The following MIPOL1 variants were observed in gnomAD, a reference collection of about 807,000 sequenced individuals.
MIPOL1 encodes the protein mirror-image polydactyly 1.
A neutral mutation model predicts 60.9 loss-of-function variants in MIPOL1; 57 were observed. The observed-to-expected ratio is 0.94, with a 90% confidence interval of 0.76 to 1.17. The LOEUF (loss-of-function observed/expected upper bound fraction) is 1.17. Ranked by LOEUF, MIPOL1 falls within the 50% of genes most tolerant of loss-of-function variation. The pLI is 0.00. For missense variants in MIPOL1, 551 were observed against 511.6 expected, an observed-to-expected ratio of 1.08 and a Z score of -0.74; for synonymous variants, 179 against 168.8, an observed-to-expected ratio of 1.06 and a Z score of -0.47.
At chr14:37,270,556 G>T (rs1567224069) in intron 6 of MIPOL1, 31 bp downstream of exon 6, 1 of 1,177,180 alleles carries the variant, frequency 8.5e-7, no homozygotes, top group Non-Finnish European at 1.2e-6. Context: ...CACATGGCTT[G>T]AAGAATCACA....
At chr14:37,414,864 A>C (rs2093737329) in intron 10 of MIPOL1, among the ~76,000 whole-genome samples, 1 of 152,118 alleles carries the variant, frequency 6.6e-6, no homozygotes, top group Non-Finnish European at 1.5e-5. Flanking sequence ...TAGTGTCTTA[A>C]AAACACACTT....
At chr14:37,514,678 A>G (rs1207487284) in intron 12 of MIPOL1, among the ~76,000 whole-genome samples, 1 of 151,516 alleles carries the variant, frequency 6.6e-6, no homozygotes, top group Non-Finnish European at 1.5e-5. Context: ...CTGGAGTACA[A>G]TGGCGCGATC....
chr14:37,289,985 C>G (rs1028719657), intron 7 of MIPOL1, among the ~76,000 whole-genome samples: 7 of 152,200 alleles, frequency 4.6e-5, no homozygotes, highest in Non-Finnish European at 1.0e-4. Context: ...CACAATATCA[C>G]AGCAGGTGAA....
chr14:37,367,061 A>AT (rs2092495317), intron 9 of MIPOL1, among the ~76,000 whole-genome samples: 2 of 152,040 alleles, frequency 1.3e-5, no homozygotes, highest in Admixed American at 1.3e-4. Context: ...TATCAATAAA[A>AT]TTTGAGATGT....
chr14:37,526,514 C>T (rs1463915625), intron 12 of MIPOL1, among the ~76,000 whole-genome samples: 4 of 150,794 alleles, frequency 2.7e-5, no homozygotes, highest in African/African-American at 4.9e-5. Context: ...GGACTACAGG[C>T]GCCCGCCACC....
At chr14:37,474,769 G>A (rs2094743534) in intron 11 of MIPOL1, among the ~76,000 whole-genome samples, 1 of 152,180 alleles carries the variant, frequency 6.6e-6, no homozygotes, top group Non-Finnish European at 1.5e-5. Flanking sequence ...TGAGATGGAT[G>A]AGGATGTTGT....
intron 11 of MIPOL1, among the ~76,000 whole-genome samples, chr14:37,476,183 G>A (rs1041497766): frequency 6.6e-6 from 1 of 152,024 alleles, no homozygotes; most frequent in African/African-American, 2.4e-5. Flanking sequence ...AATTAAAATT[G>A]TTCATTGTTG....
chr14:37,265,125 T>A (rs1228843888), intron 3 of MIPOL1: 2 of 152,216 alleles, frequency 1.3e-5, no homozygotes, highest in Non-Finnish European at 2.9e-5. Context: ...TTATTTCTTC[T>A]CCTCTATATC....
At chr14:37,247,292 T>A (rs1359125919) in intron 2 of MIPOL1, 52 bp downstream of exon 2, 1 of 152,468 alleles carries the variant, frequency 6.6e-6, no homozygotes, top group Non-Finnish European at 1.5e-5. Context: ...TTGCATAGTG[T>A]TTTATCATGT....
At chr14:37,299,331 C>T (rs1277082043) in intron 7 of MIPOL1, among the ~76,000 whole-genome samples, 1 of 151,870 alleles carries the variant, frequency 6.6e-6, no homozygotes. Flanking sequence ...GGAGATATAC[C>T]TAATGCTAAA....
chr14:37,469,285 C>G (rs1409093825), intron 11 of MIPOL1, among the ~76,000 whole-genome samples: 1 of 152,036 alleles, frequency 6.6e-6, no homozygotes, highest in Non-Finnish European at 1.5e-5. Flanking sequence ...AAAGGGGGAG[C>G]AGATATGTCA....
chr14:37,476,895 C>CTTT (rs869027204), intron 11 of MIPOL1, among the ~76,000 whole-genome samples: 218 of 87,332 alleles, frequency 2.5e-3, no homozygotes, highest in Middle Eastern at 0.011. Flanking sequence ...CTTGTAATGT[C>CTTT]TTTTTTTTTT....
chr14:37,513,190 A>G (rs1388653443), intron 12 of MIPOL1, among the ~76,000 whole-genome samples: 1 of 152,150 alleles, frequency 6.6e-6, no homozygotes, highest in Non-Finnish European at 1.5e-5. Flanking sequence ...GAATTTGTGA[A>G]TCATAAAAGT....
chr14:37,446,752 T>G (rs999899557), intron 11 of MIPOL1, among the ~76,000 whole-genome samples: 7 of 151,970 alleles, frequency 4.6e-5, no homozygotes, highest in South Asian at 2.1e-4. Context: ...CCATAAAAAA[T>G]GATGAGTTCA....
chr14:37,521,737 G>A (rs1422972067), intron 12 of MIPOL1, among the ~76,000 whole-genome samples: 2 of 151,878 alleles, frequency 1.3e-5, no homozygotes, highest in Non-Finnish European at 2.9e-5. Context: ...GCTCTCAGAA[G>A]TCCTCAAACT....
intron 12 of MIPOL1, among the ~76,000 whole-genome samples, chr14:37,544,383 G>A (rs540233274): frequency 1.4e-4 from 22 of 152,250 alleles, no homozygotes; most frequent in African/African-American, 5.3e-4. Context: ...TTACTTGTCT[G>A]TTCTTCAGTT....
At chr14:37,392,242 AT>A (rs55688047) in intron 10 of MIPOL1, among the ~76,000 whole-genome samples, 147,411 of 152,176 alleles carry the variant, frequency 0.97, 71,471 homozygotes, top group East Asian at 1. Flanking sequence ...TCTTTGATTT[AT>A]TTAATAAACA....
intron 1 of MIPOL1, among the ~76,000 whole-genome samples, chr14:37,234,702 G>A (rs1034460989): frequency 3.3e-5 from 5 of 151,676 alleles, no homozygotes. Flanking sequence ...AAATATAGTA[G>A]GCTTCCATTC....
chr14:37,234,528 T>C (rs1419488318), intron 1 of MIPOL1, among the ~76,000 whole-genome samples: 2 of 151,954 alleles, frequency 1.3e-5, no homozygotes, highest in Non-Finnish European at 2.9e-5. Flanking sequence ...AGAGATGAGG[T>C]CTGGCTATGT....
Sources: allele counts gnomAD v4.1 joint callset (sites outside exome capture counted in the v4.1 genomes callset), GRCh38; gene constraint gnomAD v4.1.1; transcripts MANE v1.5; gene names NCBI Gene and HGNC (gene_info 2026-07-23, HGNC 2026-07-21).